GIT2: variants seen among roughly 807,000 people sequenced by gnomAD.
GIT2 encodes the protein GIT ArfGAP 2.
A neutral mutation model predicts 100.3 loss-of-function variants in GIT2; 32 were observed. The observed-to-expected ratio is 0.32, with a 90% CI of 0.24 to 0.43. GIT2 has a LOEUF of 0.43. Among genes scored for constraint, GIT2 ranks in the 20% least tolerant of loss-of-function variants. GIT2 has a pLI of 1.00. For missense variants in GIT2, 737 were observed against 975.1 expected (o/e 0.76, Z 3.25); for synonymous variants, 353 against 364.1 (o/e 0.97, Z 0.35).
chr12:109,958,408 AT>A, intron 12 of GIT2, among the ~76,000 whole-genome samples: 1 of 151,678 alleles, frequency 6.6e-6, no homozygotes, highest in East Asian at 1.9e-4. Flanking sequence ...CGCCCAGCTA[AT>A]TTTTTTGTAT....
intron 7 of GIT2, among the ~76,000 whole-genome samples, chr12:109,972,117 T>C (rs1379506666): frequency 2.0e-5 from 3 of 152,216 alleles, no homozygotes; most frequent in South Asian, 2.1e-4. Context: ...ATTTTCTACA[T>C]AGAAATCATC....
intron 17 of GIT2, 92 bp downstream of exon 17, chr12:109,939,073 T>G (rs1873853287): frequency 2.7e-6 from 2 of 738,374 alleles, no homozygotes; most frequent in East Asian, 5.0e-5. Flanking sequence ...AGAAAAGGGG[T>G]GTGTGTGGTG....
At chr12:109,946,539 C>T (rs972035852) in intron 15 of GIT2, among the ~76,000 whole-genome samples, 1 of 152,164 alleles carries the variant, frequency 6.6e-6, no homozygotes, top group Non-Finnish European at 1.5e-5. Context: ...CCTTATAACA[C>T]AGTATGTATC....
At chr12:109,972,137 T>C (rs537154601) in intron 7 of GIT2, among the ~76,000 whole-genome samples, 1 of 152,284 alleles carries the variant, frequency 6.6e-6, no homozygotes, top group African/African-American at 2.4e-5. Flanking sequence ...CTCATTTGAA[T>C]GGGGACAGTT....
At chr12:109,974,103 T>G (rs765746809) in intron 7 of GIT2, among the ~76,000 whole-genome samples, 1 of 152,202 alleles carries the variant, frequency 6.6e-6, no homozygotes, top group African/African-American at 2.4e-5. Flanking sequence ...AATTTAATAC[T>G]ATAAAGTTTC....
intron 14 of GIT2, chr12:109,950,876 TG>T (rs1877652686): frequency 3.4e-6 from 1 of 292,716 alleles, no homozygotes; most frequent in Admixed American, 4.5e-5. Flanking sequence ...ATCACATCCA[TG>T]GAGCCCCATC....
At chr12:109,985,999 C>T (rs924626002) in intron 4 of GIT2, among the ~76,000 whole-genome samples, 22 of 151,700 alleles carry the variant, frequency 1.5e-4, no homozygotes, top group Non-Finnish European at 3.1e-4. Context: ...TGCCACGACA[C>T]TCCAGCCTGG....
chr12:109,987,148 C>T (rs1335686555), intron 4 of GIT2, among the ~76,000 whole-genome samples: 1 of 151,694 alleles, frequency 6.6e-6, no homozygotes, highest in Admixed American at 6.6e-5. Context: ...TTTGGGAGGC[C>T]GAGGCGGGAG....
In GIT2 at chr12:109,996,271, A is replaced by G; in HGVS notation, c.-47T>C. ...GGGAACTAGAGGCCGGGGGACAGCA[A>G]AGGCGGCGGTGGCGGCGGCGCTTCC... On this transcript the variant is annotated 5_prime_UTR_variant, in exon 1 of 20. Coordinates refer to ENST00000355312, the MANE Select transcript of GIT2 (RefSeq NM_057169.5). 1 of 1,386,286 alleles carries G rather than the reference A, an allele frequency of 7.2e-7. No homozygotes were observed. 85.9% of individuals were successfully genotyped at this position (1,386,286 alleles called of 1,614,324 possible).
chr12:109,982,562 T>C (rs1319208259), intron 6 of GIT2: 1 of 152,066 alleles, frequency 6.6e-6, no homozygotes, highest in Non-Finnish European at 1.5e-5. Context: ...TTAAATGATA[T>C]TCAAGACTAA....
chr12:109,967,558 A>G, intron 7 of GIT2, 55 bp from the exon 8 acceptor site: 1 of 1,129,680 alleles, frequency 8.9e-7, no homozygotes, highest in Non-Finnish European at 1.3e-6. Flanking sequence ...TAAGATCTGT[A>G]AAGGAACATC....
chr12:109,999,314 C>G (rs898553309), upstream of GIT2: 1 of 154,086 alleles, frequency 6.5e-6, no homozygotes, highest in Non-Finnish European at 1.4e-5. The surrounding 1 kb of genome is among the most constrained non-coding windows in gnomAD (Gnocchi z 4.3). Flanking sequence ...TCGGTGTGAG[C>G]TGGAGGTGGG....
intron 12 of GIT2, 60 bp from the exon 13 acceptor site, chr12:109,953,294 A>T: frequency 1.3e-6 from 2 of 1,565,276 alleles, no homozygotes; most frequent in Non-Finnish European, 1.8e-6. Context: ...CTTCCAAAAA[A>T]CTACGGAGAG....
chr12:109,979,272 C>CTTTT (rs11338613), intron 7 of GIT2, among the ~76,000 whole-genome samples: 13 of 85,796 alleles, frequency 1.5e-4, no homozygotes, highest in East Asian at 3.0e-4. Context: ...CAGAAAAAGG[C>CTTTT]TTTTTTTTTT....
chr12:109,943,500 A>G (rs140192013), intron 16 of GIT2, among the ~76,000 whole-genome samples: 27 of 151,948 alleles, frequency 1.8e-4, no homozygotes, highest in African/African-American at 5.3e-4. Flanking sequence ...ACCCGCCGCT[A>G]ATTTTTGTAT....
At chr12:109,945,466 G>T in intron 15 of GIT2, 117 bp from the exon 16 acceptor site, 1 of 667,446 alleles carries the variant, frequency 1.5e-6, no homozygotes. Context: ...CGTGAGTGCT[G>T]CAATCTCAGT....
chr12:109,996,659 TA>T (rs1359803813), upstream of GIT2, among the ~76,000 whole-genome samples: 1 of 152,252 alleles, frequency 6.6e-6, no homozygotes, highest in Non-Finnish European at 1.5e-5. Flanking sequence ...AACAAATGTT[TA>T]TCAAGCACTT....
At position 109,945,324 on chromosome 12, in the gene GIT2, G is replaced by T; in HGVS notation, c.1667C>A (p.Ser556Tyr). The change falls in exon 16 of 20, where the codon TCC becomes TAC. Residue 556 changes from serine (S) to tyrosine (Y), a missense_variant. Transcript: ENST00000355312. Reference sequence around the variant, plus strand: ...GGGGAAGGAAGGCAGAGATGAAGAGGAGGTCACAAGTGCACTCCTCCCGAT... The same window carrying T: ...GGGGAAGGAAGGCAGAGATGAAGAGTAGGTCACAAGTGCACTCCTCCCGAT... ...AHIGRSALVT[S>Y]SSSLPSFPST... 6.4e-7 allele frequency: 1 copy of T among 1,573,798 alleles called. No individual in the cohort carries two copies. Among genetic ancestry groups the T allele is most frequent in the South Asian group, 1.1e-5 (1 of 90,104 alleles).
chr12:109,978,665 T>C (rs1885648539), intron 7 of GIT2, among the ~76,000 whole-genome samples: 2 of 152,222 alleles, frequency 1.3e-5, no homozygotes, highest in African/African-American at 4.8e-5. Flanking sequence ...TTTTAGTGTT[T>C]GTATTTTTCA....
Sources: gnomAD v4.1 joint callset for allele counts (sites outside exome capture counted in the v4.1 genomes callset) on GRCh38, gnomAD v4.1.1 for gene constraint, Gnocchi (gnomAD v3.1) non-coding constraint, MANE v1.5 for transcripts, NCBI Gene and HGNC (gene_info 2026-07-23, HGNC 2026-07-21) for gene names.